The following EXOC2 variants were observed in gnomAD, a reference collection of about 807,000 sequenced individuals.
The protein encoded by EXOC2 is SEC5-like 1.
EXOC2 carries 70 observed loss-of-function variants against 131.8 expected under a neutral mutation model. The ratio of observed to expected loss-of-function variants is 0.53; its 90% CI spans 0.44 to 0.65. The LOEUF is 0.65. Among genes scored for constraint, EXOC2 ranks in the 30% least tolerant of loss-of-function variants. EXOC2 has a pLI of 0.00. For synonymous variants in EXOC2, 411 were observed against 398.4 expected (o/e 1.03, Z -0.38); for missense variants, 923 against 1,108.6 (o/e 0.83, Z 2.38).
At position 559,804 on chromosome 6, in the gene EXOC2, G is replaced by C. The variant is rs73376446; in HGVS notation, c.1851+2980C>G. 9.8e-3 allele frequency among the ~76,000 whole-genome samples: 1,487 copies of C among 152,328 alleles called. 23 individuals carry two copies. Among genetic ancestry groups the C allele is most frequent in the African/African-American group, 0.034 (1,424 of 41,572 alleles). On this transcript the variant is annotated intron_variant, in intron 17 of 27. Transcript: ENST00000230449. ...GTACCCGAGGCACTGACCTGAAGAA[G>C]GACCTGAAGCCAATCCCTGTTTTAT...
intron 1 of EXOC2, among the ~76,000 whole-genome samples, chr6:659,958 G>A (rs977922440): frequency 2.6e-5 from 4 of 150,970 alleles, no homozygotes; most frequent in South Asian, 2.1e-4. Context: ...AGGTAGCCTG[G>A]GGCAGATTTT....
chr6:527,542 C>A lies in EXOC2; in HGVS notation c.2380+4927G>T, dbSNP rs550230188. 2.0e-5 allele frequency among the ~76,000 whole-genome samples: 3 copies of A among 152,348 alleles called. No homozygotes were observed. The East Asian group carries it at 5.8e-4, about 29-fold the overall frequency. On this transcript the variant is annotated intron_variant, in intron 23 of 27. Transcript: ENST00000230449. Reference sequence around the variant, plus strand: ...GCCTGGACAACACACTTACAAGTTTCGCTCACTGATGGACTGTGCACCCCA... The same window carrying A: ...GCCTGGACAACACACTTACAAGTTTAGCTCACTGATGGACTGTGCACCCCA...
At chr6:572,719 C>T in intron 12 of EXOC2, 75 bp from the exon 13 acceptor site, 1 of 1,523,254 alleles carries the variant, frequency 6.6e-7, no homozygotes, top group Non-Finnish European at 8.9e-7. Flanking sequence ...ATTGGCGCAC[C>T]CCCCTCCACT....
intron 16 of EXOC2, among the ~76,000 whole-genome samples, chr6:563,094 C>T (rs1480384556): frequency 2.6e-5 from 4 of 152,168 alleles, no homozygotes; most frequent in Admixed American, 6.5e-5. Flanking sequence ...GGGAATTCTA[C>T]GTTGGATTTA....
At chr6:513,841 A>C (rs2127509010) in intron 23 of EXOC2, among the ~76,000 whole-genome samples, 1 of 152,368 alleles carries the variant, frequency 6.6e-6, no homozygotes, top group Non-Finnish European at 1.5e-5. Context: ...GGATTTTAAT[A>C]ACATTGCCTT....
intron 1 of EXOC2, among the ~76,000 whole-genome samples, chr6:660,574 A>G (rs1365459353): frequency 6.6e-6 from 1 of 152,242 alleles, no homozygotes; most frequent in African/African-American, 2.4e-5. Context: ...TCTGGCTCAC[A>G]GGAAGCCACA....
At chr6:537,297 C>T (rs550452102) in intron 22 of EXOC2, among the ~76,000 whole-genome samples, 21 of 150,220 alleles carry the variant, frequency 1.4e-4, no homozygotes, top group African/African-American at 3.2e-4. Flanking sequence ...AGTTGACAGC[C>T]GACGGAGCGC....
intron 11 of EXOC2, among the ~76,000 whole-genome samples, 155 bp from the exon 12 acceptor site, chr6:577,037 T>G (rs546303404): frequency 5.9e-4 from 90 of 152,368 alleles, no homozygotes; most frequent in African/African-American, 2.1e-3. Flanking sequence ...GTATTTTCTC[T>G]AAACAGATTT....
At chr6:504,704 C>T (rs1426737608) in intron 23 of EXOC2, among the ~76,000 whole-genome samples, 4 of 152,166 alleles carry the variant, frequency 2.6e-5, no homozygotes, top group African/African-American at 4.8e-5. Flanking sequence ...AGACAGATCA[C>T]GAGACCCATT....
chr6:600,402 A>G (rs1331868482), intron 7 of EXOC2, among the ~76,000 whole-genome samples: 1 of 152,204 alleles, frequency 6.6e-6, no homozygotes, highest in African/African-American at 2.4e-5. Context: ...TAGGGTTAAA[A>G]CTTTTGGTCA....
intron 4 of EXOC2, among the ~76,000 whole-genome samples, chr6:628,027 G>A (rs184094609): frequency 3.7e-4 from 57 of 152,294 alleles, no homozygotes; most frequent in African/African-American, 1.3e-3. Context: ...ACAATGAATA[G>A]TATATATCCA....
chr6:530,294 G>C (rs1241452484), intron 23 of EXOC2, among the ~76,000 whole-genome samples: 1 of 152,164 alleles, frequency 6.6e-6, no homozygotes, highest in African/African-American at 2.4e-5. Context: ...TAGAGAGATG[G>C]TATATTATTA....
chr6:603,841 G>C (rs532588103), intron 7 of EXOC2, among the ~76,000 whole-genome samples: 4 of 152,178 alleles, frequency 2.6e-5, no homozygotes, highest in Admixed American at 1.3e-4. Flanking sequence ...ATGTGTTTGC[G>C]AGCGTAAGAC....
intron 12 of EXOC2, among the ~76,000 whole-genome samples, chr6:574,548 A>G (rs926219486): frequency 2.0e-5 from 3 of 152,214 alleles, no homozygotes; most frequent in African/African-American, 7.2e-5. Flanking sequence ...CTCTTTATTT[A>G]TTAGGTATAT....
chr6:617,438 G>C (rs556417537), intron 6 of EXOC2, among the ~76,000 whole-genome samples: 1 of 152,332 alleles, frequency 6.6e-6, no homozygotes, highest in East Asian at 1.9e-4. Flanking sequence ...ATTTAATTTC[G>C]TATCAGCCCT....
chr6:670,837 C>A (rs1011204423), intron 1 of EXOC2, among the ~76,000 whole-genome samples: 2 of 152,070 alleles, frequency 1.3e-5, no homozygotes, highest in Non-Finnish European at 2.9e-5. Context: ...AGAGTTTTGC[C>A]AAGTCTCTGG....
intron 22 of EXOC2, among the ~76,000 whole-genome samples, chr6:538,410 G>T (rs894850867): frequency 6.6e-6 from 1 of 152,138 alleles, no homozygotes; most frequent in African/African-American, 2.4e-5. Flanking sequence ...ACCATTAATC[G>T]CTATCTGAGA....
In EXOC2 at chr6:486,258, C is replaced by A. The variant is rs942485738; in HGVS notation, c.*413G>T. The A allele has an allele frequency of 6.2e-6, 1 of 162,078 alleles. No homozygotes were observed. Among genetic ancestry groups the A allele is most frequent in the African/African-American group, 2.4e-5 (1 of 41,630 alleles). The allele number at this position is 162,078 out of a possible 1,614,324, so 10.0% of individuals were successfully genotyped here. ...GCTCCAAAGATGTCTACATAGCTTT[C>A]CAAATCTCGTATCAGTCAGTCTCTC... is the stretch of plus-strand genomic sequence containing the variant. On this transcript the variant is annotated 3_prime_UTR_variant, in exon 28 of 28. Transcript: ENST00000230449.
chr6:643,609 TAAA>T (rs200066922), intron 1 of EXOC2, among the ~76,000 whole-genome samples: 107,047 of 151,154 alleles, frequency 0.71, 38,515 homozygotes, highest in Middle Eastern at 0.88. Flanking sequence ...TTCCACCTTT[TAAA>T]AAAAAAACTA....
Sources: gnomAD v4.1 joint callset for allele counts (sites outside exome capture counted in the v4.1 genomes callset) on GRCh38, gnomAD v4.1.1 for gene constraint, MANE v1.5 for transcripts, NCBI Gene and HGNC (gene_info 2026-07-23, HGNC 2026-07-21) for gene names.